Variants in ADARB2 observed in about 807,000 individuals in gnomAD.
ADARB2 encodes inactive double-stranded RNA-specific editase B2.
Under a neutral mutation model 62.2 loss-of-function variants are expected in ADARB2, and 25 were observed. That is an observed-to-expected ratio of 0.40 (90% CI 0.29 to 0.56). ADARB2 has a LOEUF of 0.56. Ranked by LOEUF, ADARB2 falls within the 20% of genes least tolerant of loss-of-function variation. The pLI is 0.43. For missense variants in ADARB2, 1,071 were observed against 1,077.4 expected, an observed-to-expected ratio of 0.99 and a Z score of 0.08; for synonymous variants, 572 against 500.8, an observed-to-expected ratio of 1.14 and a Z score of -1.90.
At position 1,601,210 on chromosome 10, in the gene ADARB2, C is replaced by T. The variant is rs369583313; in HGVS notation, c.100+135841G>A. Among the ~76,000 whole-genome samples the T allele has an allele frequency of 3.2e-4, 48 of 152,326 alleles. 1 individual carries two copies. In the Middle Eastern group the frequency reaches 0.01, roughly 32 times the overall value. ...AGACACCACGTGTGGCTCAGAGACT[C>T]AGTGGGAGCTTCCCTAGGTTTTTGT... On this transcript the variant is annotated intron_variant, in intron 1 of 9. Transcript: ENST00000381312.
intron 6 of ADARB2, among the ~76,000 whole-genome samples, chr10:1,227,439 A>G (rs1376130990): frequency 1.3e-5 from 2 of 152,212 alleles, no homozygotes; most frequent in African/African-American, 4.8e-5. Flanking sequence ...GGCACTCCCC[A>G]GTGAGATGAA....
chr10:1,187,504 T>A (rs777008157), intron 8 of ADARB2, among the ~76,000 whole-genome samples: 1 of 151,958 alleles, frequency 6.6e-6, no homozygotes, highest in Non-Finnish European at 1.5e-5. Context: ...GAGGAAAGCC[T>A]TGGGAGCCTG....
intron 1 of ADARB2, among the ~76,000 whole-genome samples, chr10:1,424,824 T>C (rs543810125): frequency 3.3e-5 from 5 of 152,320 alleles, no homozygotes; most frequent in African/African-American, 1.2e-4. Flanking sequence ...TGTCGCATTT[T>C]GGTTGCCCCG....
intron 1 of ADARB2, among the ~76,000 whole-genome samples, chr10:1,410,864 G>A (rs1832753603): frequency 6.6e-6 from 1 of 152,178 alleles, no homozygotes; most frequent in Non-Finnish European, 1.5e-5. Context: ...ATCACTTGGT[G>A]AGCAGCTGTT....
intron 3 of ADARB2, among the ~76,000 whole-genome samples, chr10:1,327,972 G>A (rs564489647): frequency 0.023 from 1,942 of 84,872 alleles, 53 homozygotes; most frequent in African/African-American, 0.078. Flanking sequence ...AGTACTCAGC[G>A]CCTCCTCACA....
At position 1,511,843 on chromosome 10, in the gene ADARB2, G is replaced by A. The variant is rs80293877; in HGVS notation, c.101-132683C>T. The stretch of plus-strand genomic sequence containing the variant: ...TGTCTACACTGGATACTAAGACATC[G>A]ATGCTGTCTACATTAGATACCAAGA... On this transcript the variant is annotated intron_variant, in intron 1 of 9. Coordinates refer to ENST00000381312, the MANE Select transcript of ADARB2 (RefSeq NM_018702.4). Among the ~76,000 whole-genome samples the A allele has an allele frequency of 9.4e-3, 1,420 of 151,492 alleles. 6 individuals are homozygous for A. Among genetic ancestry groups the A allele is most frequent in the Non-Finnish European group, 0.015 (995 of 67,858 alleles).
chr10:1,422,438 G>A (rs1832859852), intron 1 of ADARB2, among the ~76,000 whole-genome samples: 1 of 152,178 alleles, frequency 6.6e-6, no homozygotes, highest in Non-Finnish European at 1.5e-5. Flanking sequence ...GCAGGTGAGG[G>A]CACAGGTGGA....
Position 1,363,146 on chromosome 10 carries a change from G to A in ADARB2, c.959C>T (p.Ser320Leu), listed in dbSNP as rs1832276766. Residue 320 changes from serine to leucine, a missense_variant, in exon 3 of 10, where the codon TCG (serine) becomes TTG (leucine). Coordinates refer to ENST00000381312, the MANE Select transcript of ADARB2 (RefSeq NM_018702.4). ...CCGGGCCAGCTTCTTGCTGCGCCCC[G>A]AGCCCTCGAACGTCCTGCCGTCCAC... The part of the protein sequence containing the change: ...VSVDGRTFEG[S>L]GRSKKLARGQ... 1.9e-6 allele frequency: 3 copies of A among 1,547,740 alleles called. No individual in the cohort carries two copies. The highest frequency in any genetic ancestry group is 2.6e-5 in the East Asian group (1 of 38,750).
At chr10:1,503,935 C>T (rs888528661) in intron 1 of ADARB2, among the ~76,000 whole-genome samples, 2 of 152,156 alleles carry the variant, frequency 1.3e-5, no homozygotes, top group African/African-American at 2.4e-5. Flanking sequence ...CCTGCAGAAC[C>T]GTGAGCCATT....
chr10:1,529,362 T>G lies in ADARB2; in HGVS notation c.101-150202A>C, dbSNP rs576855966. ...CAACACAAATCCTCCAATCAGTCCA[T>G]GCACCATGCCCAACACTGCGAGTCC... On this transcript the variant is annotated intron_variant, in intron 1 of 9. Transcript: ENST00000381312. Among the ~76,000 whole-genome samples the G allele has an allele frequency of 8.6e-5, 13 of 150,924 alleles. No individual in the cohort carries two copies. The East Asian group carries it at 1.8e-3, about 21-fold the overall frequency.
intron 1 of ADARB2, among the ~76,000 whole-genome samples, chr10:1,682,715 C>T (rs539956772): frequency 2.0e-5 from 3 of 152,350 alleles, no homozygotes; most frequent in Admixed American, 1.3e-4. Context: ...CCCCCAACAC[C>T]GTGGCCAGGC....
chr10:1,666,593 C>T (rs374887857), intron 1 of ADARB2, among the ~76,000 whole-genome samples: 1 of 152,188 alleles, frequency 6.6e-6, no homozygotes, highest in East Asian at 1.9e-4. Flanking sequence ...CTCCTGCAGC[C>T]GAGGGGGAAT....
intron 1 of ADARB2, among the ~76,000 whole-genome samples, chr10:1,472,174 T>C (rs1588270172): frequency 6.6e-6 from 1 of 152,230 alleles, no homozygotes; most frequent in East Asian, 1.9e-4. Flanking sequence ...AGCAAACTCA[T>C]GTTGATGCTA....
chr10:1,616,131 T>C (rs1001603885), intron 1 of ADARB2, among the ~76,000 whole-genome samples: 1 of 152,200 alleles, frequency 6.6e-6, no homozygotes, highest in Non-Finnish European at 1.5e-5. Flanking sequence ...GTGTTTTATG[T>C]TGACTAATTA....
chr10:1,608,774 G>GAGAAAGAAAGAAAGAAAGAAA (rs1833528282), intron 1 of ADARB2, among the ~76,000 whole-genome samples: 2 of 139,418 alleles, frequency 1.4e-5, no homozygotes, highest in Admixed American at 7.3e-5. Context: ...GAAAGAGAAA[G>GAGAAAGAAAGAAAGAAAGAAA]AGAAAGAAAG....
intron 1 of ADARB2, among the ~76,000 whole-genome samples, chr10:1,451,645 T>C (rs1483756906): frequency 2.2e-5 from 3 of 135,694 alleles, no homozygotes; most frequent in East Asian, 2.1e-4. Flanking sequence ...GACACACCTG[T>C]ATGAGAAGGG....
intron 1 of ADARB2, among the ~76,000 whole-genome samples, chr10:1,628,178 T>A (rs2119040513): frequency 6.6e-6 from 1 of 152,360 alleles, no homozygotes; most frequent in Admixed American, 6.5e-5. Context: ...GCCTGCAGCC[T>A]CCTCTGGCCT....
chr10:1,268,515 A>G lies in ADARB2; in HGVS notation c.1192+2440T>C, dbSNP rs1034047647. Reference sequence around the variant, plus strand: ...GCAAATCAAATTGTGTTTTATTTCAAAATAAGTTTAATTTTAAAACATTGT... The same window carrying G: ...GCAAATCAAATTGTGTTTTATTTCAGAATAAGTTTAATTTTAAAACATTGT... On this transcript the variant is annotated intron_variant, in intron 4 of 9. Coordinates refer to ENST00000381312, the MANE Select transcript of ADARB2 (RefSeq NM_018702.4). Among the ~76,000 whole-genome samples, 4 of 152,252 alleles carry G rather than the reference A, an allele frequency of 2.6e-5. No individual in the cohort carries two copies. The East Asian group carries it at 7.7e-4, about 29-fold the overall frequency.
intron 1 of ADARB2, among the ~76,000 whole-genome samples, chr10:1,455,814 C>G (rs1831088567): frequency 6.6e-6 from 1 of 152,146 alleles, no homozygotes. Context: ...ATTTTTATAT[C>G]TAGAAACTAT....
Sources: allele counts gnomAD v4.1 joint callset (sites outside exome capture counted in the v4.1 genomes callset), GRCh38; gene constraint gnomAD v4.1.1; transcripts MANE v1.5; gene names NCBI Gene and HGNC (gene_info 2026-07-23, HGNC 2026-07-21).